FNDC1: variants seen among roughly 807,000 people sequenced by gnomAD.
FNDC1 encodes the protein fibronectin type III domain-containing protein 1.
A neutral mutation model predicts 168.0 loss-of-function variants in FNDC1; 96 were observed. The observed-to-expected ratio is 0.57, with a 90% CI of 0.48 to 0.68. The LOEUF is 0.68. FNDC1 is among the 30% of genes least tolerant of loss of function. The pLI, the probability that FNDC1 is intolerant of heterozygous loss-of-function variation, is 0.00. For missense variants in FNDC1, 2,587 were observed against 2,482.1 expected (o/e 1.04, Z -0.90); for synonymous variants, 1,099 against 1,025.9 (o/e 1.07, Z -1.36).
At chr6:159,264,859 C>T in intron 19 of FNDC1, 116 bp from the exon 20 acceptor site, 2 of 797,798 alleles carry the variant, frequency 2.5e-6, no homozygotes, top group Non-Finnish European at 3.9e-6. Context: ...ATCTATCAAA[C>T]CTTATCTTTT....
At chr6:159,189,516 G>T (rs1782083477) in intron 1 of FNDC1, among the ~76,000 whole-genome samples, 1 of 152,142 alleles carries the variant, frequency 6.6e-6, no homozygotes, top group Non-Finnish European at 1.5e-5. Context: ...GAGATTGTGT[G>T]GAGGACTCTA....
chr6:159,254,683 G>A (rs1777336595), intron 17 of FNDC1, among the ~76,000 whole-genome samples: 1 of 140,870 alleles, frequency 7.1e-6, no homozygotes, highest in Non-Finnish European at 1.5e-5. Flanking sequence ...ACTCCAGCCT[G>A]GGCAACAGAG....
chr6:159,172,053 G>T (rs1318486736), intron 1 of FNDC1, among the ~76,000 whole-genome samples: 1 of 152,070 alleles, frequency 6.6e-6, no homozygotes, highest in Admixed American at 6.5e-5. Flanking sequence ...GGACTTTGCA[G>T]TTAAAAAAAA....
intron 21 of FNDC1, among the ~76,000 whole-genome samples, chr6:159,267,367 C>A (rs186617928): frequency 3.7e-4 from 56 of 152,300 alleles, no homozygotes; most frequent in Non-Finnish European, 1.0e-4. Flanking sequence ...TGGCTCAGGA[C>A]CATGGACAGC....
At chr6:159,247,017 C>G (rs755761293) in intron 15 of FNDC1, 48 bp downstream of exon 15, 17 of 1,304,530 alleles carry the variant, frequency 1.3e-5, no homozygotes, top group Admixed American at 1.2e-4. Context: ...CTTTCCTAAT[C>G]AAAGGATCTG....
chr6:159,217,034 G>A (rs938889402), intron 5 of FNDC1, among the ~76,000 whole-genome samples: 1 of 152,132 alleles, frequency 6.6e-6, no homozygotes, highest in South Asian at 2.1e-4. Context: ...AGGTGGGAGC[G>A]GTGGGGAAGG....
intron 17 of FNDC1, among the ~76,000 whole-genome samples, chr6:159,253,661 T>A (rs1019212830): frequency 6.6e-6 from 1 of 152,268 alleles, no homozygotes; most frequent in Non-Finnish European, 1.5e-5. Flanking sequence ...ACCAACGTGA[T>A]GACCTCTTAG....
In FNDC1 at chr6:159,236,261, T is replaced by C. The variant is rs1783256080; in HGVS notation, c.4014T>C (p.Ser1338=). 1 of 1,613,694 alleles carries C rather than the reference T, an allele frequency of 6.2e-7. No individual in the cohort carries two copies. The highest frequency in any genetic ancestry group is 1.7e-5 in the Admixed American group (1 of 60,008). Residue 1338 remains serine (S), a synonymous_variant, in exon 12 of 23, where the codon AGT becomes AGC. Coordinates refer to ENST00000297267, the MANE Select transcript of FNDC1 (RefSeq NM_032532.3). ...TAGAAGGGAAAGTCCTTCCTGGTAG[T>C]AATGGAAAACCGAATGGACAGAGAA... The part of the protein sequence containing the change: ...PNVEGKVLPG[S]NGKPNGQRII...
intron 1 of FNDC1, among the ~76,000 whole-genome samples, chr6:159,175,236 C>T (rs1374412775): frequency 6.6e-6 from 1 of 152,104 alleles, no homozygotes. Context: ...TAAAGTGTTA[C>T]GGAGTTCACC....
At chr6:159,215,813 T>C (rs1467758970) in intron 5 of FNDC1, among the ~76,000 whole-genome samples, 6 of 152,100 alleles carry the variant, frequency 3.9e-5, no homozygotes, top group African/African-American at 1.2e-4. Flanking sequence ...TCTTTTCACA[T>C]TTTTCTGCCT....
intron 2 of FNDC1, among the ~76,000 whole-genome samples, chr6:159,198,141 C>G (rs898672671): frequency 6.6e-6 from 1 of 152,142 alleles, no homozygotes; most frequent in African/African-American, 2.4e-5. Context: ...GAGATTTTGC[C>G]TCAATATATT....
intron 1 of FNDC1, among the ~76,000 whole-genome samples, chr6:159,175,249 TTC>T (rs1424775158): frequency 6.6e-6 from 1 of 152,194 alleles, no homozygotes; most frequent in Non-Finnish European, 1.5e-5. Context: ...AGTTCACCAT[TTC>T]TCTCTGTTAT....
At chr6:159,252,430 G>T (rs1295482164) in intron 17 of FNDC1, among the ~76,000 whole-genome samples, 1 of 152,182 alleles carries the variant, frequency 6.6e-6, no homozygotes, top group Non-Finnish European at 1.5e-5. Context: ...ATGTGTCCAA[G>T]AATATCCAAA....
rs762451122 is a variant in FNDC1, at chr6:159,232,660, C to G, written c.2148C>G (p.Pro716=). 3.6e-5 allele frequency: 58 copies of G among 1,613,520 alleles called. No individual in the cohort carries two copies. Among genetic ancestry groups the G allele is most frequent in the Non-Finnish European group, 4.8e-5 (57 of 1,179,752 alleles). The stretch of plus-strand genomic sequence containing the variant: ...AAGATTCCAGTGCCTCAGCCCCACC[C>G]TCAAGACTTTCTCCACCCCATGGGG... ...AEEDSSASAP[P]SRLSPPHGGS... is the part of the protein sequence containing the mutation. Residue 716 remains proline (P), a synonymous_variant, in exon 11 of 23, where the codon CCC becomes CCG. Transcript: ENST00000297267. This position sits in a 1 kb window ranked among gnomAD's most constrained non-coding sequence, Gnocchi z 4.9.
At chr6:159,189,748 A>G (rs1443000530) in intron 1 of FNDC1, among the ~76,000 whole-genome samples, 1 of 152,224 alleles carries the variant, frequency 6.6e-6, no homozygotes, top group Non-Finnish European at 1.5e-5. Context: ...GTTTTGAGCT[A>G]TAAGACAAAG....
chr6:159,271,333 A>G lies in FNDC1; in HGVS notation c.5576A>G (p.Tyr1859Cys), dbSNP rs1312805689. Residue 1859 changes from tyrosine to cysteine, a missense_variant, in exon 23 of 23, where the codon TAT (tyrosine) becomes TGT (cysteine). Coordinates refer to ENST00000297267, the MANE Select transcript of FNDC1 (RefSeq NM_032532.3). ...VEALPTIQGY[Y>C]RQYRQEPVRF... Reference sequence around the variant, plus strand: ...TCTCCTGTTGCCCTTCCAGGCTACTATCGCCAGTATCGTCAGGAGCCTGTC... The same window carrying G: ...TCTCCTGTTGCCCTTCCAGGCTACTGTCGCCAGTATCGTCAGGAGCCTGTC... 3.1e-6 allele frequency: 5 copies of G among 1,606,226 alleles called. No individual in the cohort carries two copies. The highest frequency in any genetic ancestry group is 4.3e-6 in the Non-Finnish European group (5 of 1,176,334).
Position 159,200,507 on chromosome 6 carries a change from AT to A in FNDC1, c.392-3del. ...CTAACTATCAAGTTGCATTTCCCTA[AT>A]TTAGGAGGTGAATGGATCGAGATTG... On this transcript the variant is annotated splice_region_variant and splice_polypyrimidine_tract_variant and intron_variant, in intron 3 of 22. Coordinates refer to ENST00000297267, the MANE Select transcript of FNDC1 (RefSeq NM_032532.3). The A allele has an allele frequency of 6.3e-7, 1 of 1,594,252 alleles. No individual in the cohort carries two copies. The highest frequency in any genetic ancestry group is 1.1e-5 in the South Asian group (1 of 87,412).
chr6:159,210,866 C>A (rs1782588797), intron 4 of FNDC1, among the ~76,000 whole-genome samples: 1 of 152,190 alleles, frequency 6.6e-6, no homozygotes, highest in African/African-American at 2.4e-5. Context: ...CCTTTCCCTG[C>A]CCTCTCTTTC....
chr6:159,181,674 C>T (rs183154164), intron 1 of FNDC1, among the ~76,000 whole-genome samples: 10 of 152,340 alleles, frequency 6.6e-5, no homozygotes, highest in Admixed American at 4.6e-4. Flanking sequence ...GTCTGAGGAC[C>T]TTGCCTGGCG....
Sources: allele counts gnomAD v4.1 joint callset (sites outside exome capture counted in the v4.1 genomes callset), GRCh38; gene constraint gnomAD v4.1.1; non-coding constraint Gnocchi (gnomAD v3.1); transcripts MANE v1.5; gene names NCBI Gene and HGNC (gene_info 2026-07-23, HGNC 2026-07-21).